PHF14: variants seen among roughly 807,000 people sequenced by gnomAD.
The protein encoded by PHF14 is PHD finger protein 14.
In PHF14, 55 loss-of-function variants were observed where a neutral mutation model predicts 117.9. The observed-to-expected ratio is 0.47, with a 90% CI of 0.38 to 0.58. The LOEUF is 0.58. Ranked by LOEUF, PHF14 falls within the 20% of genes least tolerant of loss-of-function variation. PHF14 has a pLI of 0.00. For synonymous variants in PHF14, 409 were observed against 368.6 expected (o/e 1.11, Z -1.26); for missense variants, 978 against 1,122.2 (o/e 0.87, Z 1.84).
At chr7:11,132,400 C>T (rs1254856137) in intron 17 of PHF14, among the ~76,000 whole-genome samples, 8 of 151,198 alleles carry the variant, frequency 5.3e-5, no homozygotes, top group African/African-American at 1.7e-4. Flanking sequence ...TCCTCCAGGT[C>T]CATCCATGTT....
At chr7:11,006,718 G>A (rs1783117353) in intron 4 of PHF14, 1 of 661,556 alleles carries the variant, frequency 1.5e-6, no homozygotes, top group East Asian at 3.1e-5. Flanking sequence ...CAGAGTCTCA[G>A]TGTCTTGGGC....
At chr7:11,035,039 A>C (rs549896836) in intron 7 of PHF14, among the ~76,000 whole-genome samples, 1 of 152,264 alleles carries the variant, frequency 6.6e-6, no homozygotes, top group South Asian at 2.1e-4. Context: ...TTTTTAAAAA[A>C]ATACAGCCGG....
intron 4 of PHF14, among the ~76,000 whole-genome samples, chr7:11,000,191 G>A (rs550168608): frequency 3.3e-5 from 5 of 152,106 alleles, no homozygotes; most frequent in East Asian, 1.9e-4. Context: ...AAAAAATTAC[G>A]CTACTACTTT....
intron 16 of PHF14, among the ~76,000 whole-genome samples, chr7:11,083,964 G>A (rs1279259801): frequency 6.6e-6 from 1 of 152,210 alleles, no homozygotes; most frequent in Non-Finnish European, 1.5e-5. Context: ...GTAGATTCAA[G>A]CAAAGTTTAT....
intron 10 of PHF14, among the ~76,000 whole-genome samples, chr7:11,038,258 C>G (rs993899589): frequency 8.6e-5 from 13 of 151,970 alleles, no homozygotes; most frequent in South Asian, 2.1e-4. Context: ...TGGCAAAACC[C>G]CGTCTCTACT....
intron 3 of PHF14, among the ~76,000 whole-genome samples, chr7:10,983,845 T>A (rs997514081): frequency 6.6e-6 from 1 of 152,212 alleles, no homozygotes; most frequent in African/African-American, 2.4e-5. Context: ...GGCTCAGTGC[T>A]TCTACTTGAA....
intron 4 of PHF14, among the ~76,000 whole-genome samples, 196 bp from the exon 5 acceptor site, chr7:11,013,551 T>C (rs1030979454): frequency 2.6e-5 from 4 of 152,198 alleles, no homozygotes; most frequent in Non-Finnish European, 2.9e-5. Context: ...AAAATGTCAT[T>C]TATTTCATTG....
intron 10 of PHF14, among the ~76,000 whole-genome samples, chr7:11,038,430 CAAAA>C (rs958555910): frequency 4.0e-5 from 2 of 50,440 alleles, no homozygotes; most frequent in African/African-American, 6.8e-5. Flanking sequence ...GACTCCATCT[CAAAA>C]AAAAAAAAAA....
At chr7:11,025,111 C>T (rs927625936) in intron 6 of PHF14, among the ~76,000 whole-genome samples, 1 of 152,072 alleles carries the variant, frequency 6.6e-6, no homozygotes, top group African/African-American at 2.4e-5. Flanking sequence ...TTGAAGAATT[C>T]AGTGGAGGAA....
At chr7:11,059,508 G>A (rs1408535342) in intron 14 of PHF14, among the ~76,000 whole-genome samples, 2 of 152,194 alleles carry the variant, frequency 1.3e-5, no homozygotes, top group Admixed American at 6.5e-5. Context: ...AGGTGCAGTG[G>A]TTCACACCTG....
chr7:11,037,085 T>C lies in PHF14; in HGVS notation c.1974T>C (p.Tyr658=). 6.7e-7 allele frequency: 1 copy of C among 1,491,140 alleles called. No homozygotes were observed. Among genetic ancestry groups the C allele is most frequent in the Non-Finnish European group, 9.1e-7 (1 of 1,100,002 alleles). 92.4% of individuals were successfully genotyped at this position (1,491,140 alleles called of 1,614,324 possible). Residue 658 remains tyrosine (Y), a synonymous_variant, in exon 10 of 18, where the codon TAT becomes TAC. Coordinates refer to ENST00000634607, the MANE Select transcript of PHF14 (RefSeq NM_001007157.2). ...AACAAGAAAAGCTTCATGTAGAATATAATAAGGTAAGTTAGCTACAAAATA... is the reference window on the plus strand; with the variant it reads ...AACAAGAAAAGCTTCATGTAGAATACAATAAGGTAAGTTAGCTACAAAATA... ...ENEQEKLHVE[Y]NKLCESLEEL...
chr7:11,028,025 T>G (rs1783983842), intron 6 of PHF14, among the ~76,000 whole-genome samples: 2 of 152,170 alleles, frequency 1.3e-5, no homozygotes. Context: ...CATATAGTCC[T>G]TGACTTATGA....
At chr7:11,003,139 C>T (rs1238959618) in intron 4 of PHF14, among the ~76,000 whole-genome samples, 3 of 152,130 alleles carry the variant, frequency 2.0e-5, no homozygotes, top group African/African-American at 7.2e-5. Flanking sequence ...TGGGGTTTCA[C>T]CATGTTGGCC....
chr7:10,998,621 T>C (rs1782748535), intron 4 of PHF14, among the ~76,000 whole-genome samples: 1 of 152,190 alleles, frequency 6.6e-6, no homozygotes, highest in East Asian at 1.9e-4. Context: ...TCTCCAGGTG[T>C]GGTTCAGATT....
intron 5 of PHF14, among the ~76,000 whole-genome samples, chr7:11,016,073 C>T (rs1004339038): frequency 1.3e-4 from 20 of 152,036 alleles, no homozygotes; most frequent in African/African-American, 4.6e-4. Flanking sequence ...ACTGAGGCCT[C>T]TTTACCATTT....
intron 16 of PHF14, among the ~76,000 whole-genome samples, chr7:11,073,827 C>G (rs1337009348): frequency 6.6e-6 from 1 of 152,166 alleles, no homozygotes; most frequent in Non-Finnish European, 1.5e-5. Flanking sequence ...GCATTCTGTG[C>G]ACCTGGAGGC....
chr7:11,040,259 A>C (rs985068352), intron 11 of PHF14, among the ~76,000 whole-genome samples: 3 of 152,118 alleles, frequency 2.0e-5, no homozygotes, highest in African/African-American at 7.2e-5. Flanking sequence ...GCTTTGTTGG[A>C]GAGTTTGGTC....
chr7:10,979,000 A>G (rs1262025039), intron 2 of PHF14, among the ~76,000 whole-genome samples: 1 of 152,182 alleles, frequency 6.6e-6, no homozygotes, highest in Non-Finnish European at 1.5e-5. Context: ...TCTGTTATCT[A>G]TTGTGTATAT....
At chr7:11,063,590 T>C in intron 16 of PHF14, 1 of 970,664 alleles carries the variant, frequency 1.0e-6, no homozygotes, top group Non-Finnish European at 1.2e-6. Flanking sequence ...TACTGTGTCT[T>C]ACTAATTTTT....
Sources: allele counts gnomAD v4.1 joint callset (sites outside exome capture counted in the v4.1 genomes callset), GRCh38; gene constraint gnomAD v4.1.1; transcripts MANE v1.5; gene names NCBI Gene and HGNC (gene_info 2026-07-23, HGNC 2026-07-21).